The following HERC4 variants were observed in gnomAD, a reference collection of about 807,000 sequenced individuals.
HERC4 encodes HECT and RLD domain containing E3 ubiquitin protein ligase 4.
In HERC4, 28 loss-of-function variants were observed where a neutral mutation model predicts 124.3. The ratio of observed to expected loss-of-function variants is 0.23; its 90% confidence interval spans 0.17 to 0.31. The LOEUF (loss-of-function observed/expected upper bound fraction) is 0.31. Among genes scored for constraint, HERC4 ranks in the 10% least tolerant of loss-of-function variants. The pLI is 1.00. For missense variants in HERC4, 713 were observed against 1,229.3 expected (o/e 0.58, Z 6.28); for synonymous variants, 407 against 421.5 (o/e 0.97, Z 0.42).
At position 67,995,922 on chromosome 10, in the gene HERC4, A is replaced by G. The variant is rs552668876; in HGVS notation, c.1070-3240T>C. ...TCCCCCCCTTATCTAAAGAACAGTG[A>G]TGCCTTGTTTCAATGTGTATGAACA... On this transcript the variant is annotated intron_variant, in intron 9 of 24. Coordinates refer to ENST00000373700, the MANE Select transcript of HERC4 (RefSeq NM_015601.4). 17 of 212,598 alleles carry G rather than the reference A, an allele frequency of 8.0e-5. No homozygotes were observed. In the South Asian group the frequency reaches 9.4e-4, roughly 12 times the overall value. 13.2% of individuals were successfully genotyped at this position (212,598 alleles called of 1,614,324 possible).
In HERC4 at chr10:68,034,202, G is replaced by A; in HGVS notation, c.464-16C>T. 2 of 1,546,310 alleles carry A rather than the reference G, an allele frequency of 1.3e-6. No individual in the cohort carries two copies. The highest frequency in any genetic ancestry group is 8.8e-7 in the Non-Finnish European group (1 of 1,136,610). ...ACTTCACTTGCTGTAAAACAGTAAT[G>A]GAAAAATTAACCATTTTTCTCACAT... On this transcript the variant is annotated splice_polypyrimidine_tract_variant and intron_variant, in intron 5 of 24. Transcript: ENST00000373700.
intron 9 of HERC4, among the ~76,000 whole-genome samples, chr10:68,011,473 AG>A (rs1405133915): frequency 6.6e-6 from 1 of 152,258 alleles, no homozygotes; most frequent in Non-Finnish European, 1.5e-5. Flanking sequence ...CTACAGCAGC[AG>A]AATGGATGTT....
intron 7 of HERC4, among the ~76,000 whole-genome samples, chr10:68,030,740 T>C (rs1293275541): frequency 6.6e-6 from 1 of 152,224 alleles, no homozygotes; most frequent in Admixed American, 6.5e-5. Flanking sequence ...GGTAGATTCC[T>C]AAAAGTGGGA....
At chr10:67,944,050 C>G (rs181508782) in intron 19 of HERC4, among the ~76,000 whole-genome samples, 2 of 152,352 alleles carry the variant, frequency 1.3e-5, no homozygotes, top group Non-Finnish European at 2.9e-5. Flanking sequence ...AGAACACAAG[C>G]TTCGCTGGCT....
intron 3 of HERC4, among the ~76,000 whole-genome samples, chr10:68,054,389 T>C (rs1007456282): frequency 1.5e-4 from 23 of 151,568 alleles, no homozygotes; most frequent in Admixed American, 6.6e-4. Context: ...TCACTAACTC[T>C]GTTGCCCAGG....
rs779576088 is a variant in HERC4 at position 67,991,029 on chromosome 10, A to G, written c.1332-14T>C. 3.4e-5 allele frequency: 43 copies of G among 1,280,218 alleles called. No individual in the cohort carries two copies. The highest frequency in any genetic ancestry group is 4.1e-5 in the Non-Finnish European group (41 of 1,000,178). 79.3% of individuals were successfully genotyped at this position (1,280,218 alleles called of 1,614,324 possible). A position where few individuals can be genotyped will look rare whatever the true frequency, so the allele number is the denominator to read the frequency against. ...TGATCATCATTGCTAAAAAACAGAA[A>G]AGAAAAAAAAAAATAGAATAAAAAT... On this transcript the variant is annotated splice_polypyrimidine_tract_variant and intron_variant, in intron 12 of 24. Coordinates refer to ENST00000373700, the MANE Select transcript of HERC4 (RefSeq NM_015601.4).
chr10:67,932,810 T>C (rs764874595), intron 22 of HERC4, 30 bp from the exon 23 acceptor site: 1 of 1,544,966 alleles, frequency 6.5e-7, no homozygotes, highest in Admixed American at 2.4e-5. Context: ...CATGTACAGA[T>C]TATAAAAATC....
intron 9 of HERC4, among the ~76,000 whole-genome samples, chr10:67,995,531 T>C (rs541354428): frequency 7.9e-5 from 12 of 152,170 alleles, no homozygotes; most frequent in Admixed American, 1.3e-4. Flanking sequence ...ATTAATTTCC[T>C]TTATTTATTG....
intron 3 of HERC4, chr10:68,069,484 A>G (rs1457079442): frequency 2.0e-6 from 2 of 985,342 alleles, no homozygotes; most frequent in African/African-American, 3.5e-5. Flanking sequence ...ATTCAGTTAA[A>G]TCTTTCTGTG....
intron 11 of HERC4, 39 bp from the exon 12 acceptor site, chr10:67,991,238 G>T: frequency 8.6e-7 from 1 of 1,167,846 alleles, no homozygotes; most frequent in South Asian, 1.8e-5. Flanking sequence ...CATAGAATCA[G>T]AAATTTAATT....
chr10:67,991,905 A>ATT (rs995295783), intron 11 of HERC4, among the ~76,000 whole-genome samples: 1 of 150,742 alleles, frequency 6.6e-6, no homozygotes, highest in Non-Finnish European at 1.5e-5. Flanking sequence ...ATCCATGGAT[A>ATT]TTTTTTTTTG....
intron 3 of HERC4, among the ~76,000 whole-genome samples, chr10:68,062,917 CCTT>C (rs2041105116): frequency 6.6e-6 from 1 of 152,090 alleles, no homozygotes; most frequent in Non-Finnish European, 1.5e-5. Context: ...AATTCAAGCT[CCTT>C]AATTTATTTC....
At chr10:68,050,887 A>C (rs1223829640) in intron 3 of HERC4, among the ~76,000 whole-genome samples, 4 of 152,186 alleles carry the variant, frequency 2.6e-5, no homozygotes, top group African/African-American at 4.8e-5. Context: ...AAAAAAATTC[A>C]CTTACAAAGC....
chr10:67,925,146 C>A lies in HERC4; in HGVS notation c.2880G>T (p.Thr960=), dbSNP rs61755667. The change falls in exon 24 of 25, where the codon ACG becomes ACT. Residue 960 remains threonine, a synonymous_variant. Coordinates refer to ENST00000373700, the MANE Select transcript of HERC4 (RefSeq NM_015601.4). ...YKGEYWAEHP[T]IKIFWEVFHE... is the part of the protein sequence containing the mutation. ...GAAATACTTCCCAAAAAATTTTTAT[C>A]GTAGGATGTTCTGCCCAATATTCCC... The A allele has an allele frequency of 6.2e-7, 1 of 1,606,066 alleles. No homozygotes were observed. Among genetic ancestry groups the A allele is most frequent in the Non-Finnish European group, 8.5e-7 (1 of 1,173,114 alleles).
intron 24 of HERC4, 67 bp downstream of exon 24, chr10:67,925,018 G>T: frequency 2.4e-6 from 2 of 848,582 alleles, no homozygotes; most frequent in East Asian, 2.6e-5. Flanking sequence ...ATTAAAACAG[G>T]GCTTTGGAAT....
intron 19 of HERC4, among the ~76,000 whole-genome samples, chr10:67,942,493 C>G (rs766545571): frequency 6.6e-6 from 1 of 152,098 alleles, no homozygotes; most frequent in Non-Finnish European, 1.5e-5. Flanking sequence ...CTGTTTTCCT[C>G]TACCCCCGTT....
At chr10:68,021,979 A>G (rs189793661) in intron 8 of HERC4, among the ~76,000 whole-genome samples, 1 of 152,366 alleles carries the variant, frequency 6.6e-6, no homozygotes, top group Non-Finnish European at 1.5e-5. Flanking sequence ...CACAAAAATT[A>G]GCTGAATTTC....
intron 8 of HERC4, among the ~76,000 whole-genome samples, chr10:68,014,397 G>C (rs2038140446): frequency 6.6e-6 from 1 of 152,086 alleles, no homozygotes; most frequent in South Asian, 2.1e-4. Flanking sequence ...CACGAGCATG[G>C]TCCAGAAAAT....
At chr10:67,972,858 T>C (rs61386005) in intron 15 of HERC4, among the ~76,000 whole-genome samples, 4 of 152,136 alleles carry the variant, frequency 2.6e-5, no homozygotes, top group East Asian at 1.9e-4. Flanking sequence ...ATTTTTGCTA[T>C]AAATGAGGAA....
Sources: allele counts gnomAD v4.1 joint callset (sites outside exome capture counted in the v4.1 genomes callset), GRCh38; gene constraint gnomAD v4.1.1; transcripts MANE v1.5; gene names NCBI Gene and HGNC (gene_info 2026-07-23, HGNC 2026-07-21).